ZDHHC11B: variants seen among roughly 807,000 people sequenced by gnomAD.
The protein encoded by ZDHHC11B is zDHHC palmitoyltransferase 11B (putative), also known as probable palmitoyltransferase ZDHHC11B.
A neutral mutation model predicts 42.3 loss-of-function variants in ZDHHC11B; 17 were observed. The ratio of observed to expected loss-of-function variants is 0.40; its 90% CI spans 0.27 to 0.60. The LOEUF is 0.60. ZDHHC11B is among the 20% of genes least tolerant of loss of function. ZDHHC11B has a pLI of 0.41. For synonymous variants in ZDHHC11B, 123 were observed against 193.5 expected (o/e 0.64, Z 3.02); for missense variants, 262 against 463.2 (o/e 0.57, Z 3.99).
intron 13 of ZDHHC11B, among the ~76,000 whole-genome samples, chr5:715,021 T>C (rs1741646526): frequency 6.7e-6 from 1 of 149,930 alleles, no homozygotes; most frequent in South Asian, 2.1e-4. Flanking sequence ...CTTCACCTTC[T>C]GCTGTTAGTG....
intron 10 of ZDHHC11B, among the ~76,000 whole-genome samples, chr5:738,977 C>T (rs1335817866): frequency 6.6e-6 from 1 of 150,798 alleles, no homozygotes; most frequent in Admixed American, 6.6e-5. Context: ...ACCTTCTGCA[C>T]AGGAAAAGAA....
chr5:734,183 A>G (rs1743334176), intron 10 of ZDHHC11B, among the ~76,000 whole-genome samples: 1 of 142,170 alleles, frequency 7.0e-6, no homozygotes, highest in Admixed American at 7.0e-5. Context: ...CAGCTCCCAC[A>G]TGGAGAGACA....
intron 8 of ZDHHC11B, among the ~76,000 whole-genome samples, chr5:746,503 TC>T (rs1482020271): frequency 1.9e-4 from 25 of 132,496 alleles, no homozygotes; most frequent in Admixed American, 6.9e-4. Flanking sequence ...CTTTCATGTT[TC>T]TGCCACACTT....
intron 1 of ZDHHC11B, among the ~76,000 whole-genome samples, chr5:780,207 C>T (rs1736861230): frequency 6.6e-6 from 1 of 151,282 alleles, no homozygotes; most frequent in Non-Finnish European, 1.5e-5. Context: ...TGAAAAGACA[C>T]ACTAGATCCC....
chr5:776,417 G>A (rs532545432), intron 1 of ZDHHC11B, among the ~76,000 whole-genome samples: 3 of 151,830 alleles, frequency 2.0e-5, no homozygotes, highest in Non-Finnish European at 4.4e-5. Context: ...CAACCCCCCA[G>A]TAAATCCGAA....
Position 748,274 on chromosome 5 carries a change from C to T in ZDHHC11B, c.784+130G>A, listed in dbSNP as rs374740985. 5.1e-4 allele frequency: 378 copies of T among 739,642 alleles called. 27 individuals are homozygous for T. The African/African-American group carries it at 5.3e-3, about 10-fold the overall frequency. The allele number at this position is 739,642 out of a possible 1,614,324, so 45.8% of individuals were successfully genotyped here. A position where few individuals can be genotyped will look rare whatever the true frequency, so the allele number is the denominator to read the frequency against. ...GGCTGACCCTGAACACATGCGCACA[C>T]GGGGGACAAAGACTCTGGCCCCAGG... On this transcript the variant is annotated intron_variant, in intron 8 of 13. Coordinates refer to ENST00000508859, the MANE Select transcript of ZDHHC11B (RefSeq NM_001351303.2).
At chr5:750,687 A>C in intron 7 of ZDHHC11B, among the ~76,000 whole-genome samples, 1 of 124,436 alleles carries the variant, frequency 8.0e-6, no homozygotes, top group Non-Finnish European at 1.8e-5. Context: ...CCACTTGGCC[A>C]AGGGCCTCAG....
At chr5:730,507 A>G (rs764218304) in intron 11 of ZDHHC11B, 39 bp from the exon 12 acceptor site, 7 of 1,544,348 alleles carry the variant, frequency 4.5e-6, no homozygotes, top group Non-Finnish European at 6.1e-6. Flanking sequence ...AGGATGAACA[A>G]AGACCTTGTT....
chr5:719,683 C>A lies in ZDHHC11B; in HGVS notation c.1059-2818G>T, dbSNP rs1453107765. 4.0e-5 allele frequency among the ~76,000 whole-genome samples: 6 copies of A among 150,632 alleles called. 1 individual carries two copies. Among genetic ancestry groups the A allele is most frequent in the African/African-American group, 1.5e-4 (6 of 40,802 alleles). The stretch of plus-strand genomic sequence containing the variant: ...CAGAGCTTGAAAGGTTTGTTAGACA[C>A]CATCAAGGGTACCAACATATGCAAC... On this transcript the variant is annotated intron_variant, in intron 12 of 13. Coordinates refer to ENST00000508859, the MANE Select transcript of ZDHHC11B (RefSeq NM_001351303.2).
At chr5:724,555 T>A (rs1039685138) in intron 12 of ZDHHC11B, among the ~76,000 whole-genome samples, 3 of 140,234 alleles carry the variant, frequency 2.1e-5, no homozygotes, top group African/African-American at 8.1e-5. Context: ...CTTTTGTATT[T>A]TTAGTAGAGA....
At chr5:774,485 T>C (rs1736303662) in intron 1 of ZDHHC11B, among the ~76,000 whole-genome samples, 1 of 152,230 alleles carries the variant, frequency 6.6e-6, no homozygotes, top group African/African-American at 2.4e-5. Context: ...GACCTGTCCC[T>C]TGGGCCTGGA....
At chr5:753,982 C>T (rs1298239718) in intron 6 of ZDHHC11B, among the ~76,000 whole-genome samples, 1 of 136,950 alleles carries the variant, frequency 7.3e-6, no homozygotes, top group Non-Finnish European at 1.6e-5. Context: ...GCACACGGGG[C>T]CTTGAGAGTC....
chr5:769,612 C>T (rs1218040138), intron 1 of ZDHHC11B, among the ~76,000 whole-genome samples: 3 of 151,786 alleles, frequency 2.0e-5, no homozygotes, highest in Admixed American at 6.6e-5. Context: ...CGCGAGCCCG[C>T]GAGTGCGTTT....
rs574732815 is a variant in ZDHHC11B at position 766,748 on chromosome 5, T to C, written c.172A>G (p.Arg58Gly). The change falls in exon 4 of 14, where the codon AGG (arginine) becomes GGG (glycine). Residue 58 changes from arginine (R) to glycine (G), a missense_variant. Coordinates refer to ENST00000508859, the MANE Select transcript of ZDHHC11B (RefSeq NM_001351303.2). The part of the protein sequence containing the change: ...VFVGLSLATF[R>G]IFIPLLPHSW... ...TGAGGCAGGAGGGGAATGAAGATCC[T>C]GAAGGTGGCCAAGGAAAGGCCAACG... The C allele has an allele frequency of 0.011, 17,306 of 1,611,040 alleles. 522 individuals are homozygous for C. The highest frequency in any genetic ancestry group is 0.013 in the Non-Finnish European group (15,184 of 1,178,002).
rs748642295 is a variant in ZDHHC11B at position 756,027 on chromosome 5, C to A, written c.340G>T (p.Asp114Tyr). 8 of 1,227,144 alleles carry A rather than the reference C, an allele frequency of 6.5e-6. No homozygotes were observed. In the East Asian group the frequency reaches 2.1e-4, roughly 32 times the overall value. The allele number at this position is 1,227,144 out of a possible 1,614,324, so 76.0% of individuals were successfully genotyped here. A position where few individuals can be genotyped will look rare whatever the true frequency, so the allele number is the denominator to read the frequency against. Reference protein sequence around the residue: ...KNYSQPMPLFDRSKHAHVIQN... With the variant: ...KNYSQPMPLFYRSKHAHVIQN... ...ATCACGTGTGCATGTTTTGATCTGT[C>A]GAAGAGGGGCATGGGCTGAGAATAG... is the stretch of plus-strand genomic sequence containing the variant. The change falls in exon 5 of 14, where the codon GAC (aspartate) becomes TAC (tyrosine). Residue 114 changes from aspartate to tyrosine, a missense_variant. Transcript: ENST00000508859.
In ZDHHC11B at chr5:751,510, G is replaced by A. The variant is rs867776379; in HGVS notation, c.504-253C>T. Among the ~76,000 whole-genome samples, 216 of 56,244 alleles carry A rather than the reference G, an allele frequency of 3.8e-3. 13 individuals carry two copies. The highest frequency in any genetic ancestry group is 0.015 in the Middle Eastern group (2 of 134). The allele number at this position is 56,244 out of a possible 152,430, so 36.9% of individuals were successfully genotyped here. On this transcript the variant is annotated intron_variant, in intron 6 of 13. Coordinates refer to ENST00000508859, the MANE Select transcript of ZDHHC11B (RefSeq NM_001351303.2). ...AGGGCAGGTGGGGGGTGCAGAGGCA[G>A]GGGCAGGGACACGCAGGGCATCTGG...
intron 1 of ZDHHC11B, among the ~76,000 whole-genome samples, chr5:783,836 ACCCCATCAAAACAGCAGCCCCCCAAG>A (rs1737053027): frequency 2.2e-4 from 17 of 78,624 alleles, no homozygotes; most frequent in Admixed American, 4.5e-4. Context: ...AGCCTCCCAA[ACCCCATCAAAACAGCAGCCCCCCAAG>A]CCCCATCAAG....
intron 13 of ZDHHC11B, among the ~76,000 whole-genome samples, 167 bp downstream of exon 13, chr5:716,634 A>G (rs1437370501): frequency 6.6e-6 from 1 of 151,780 alleles, no homozygotes. Context: ...ACTTCTAAAG[A>G]TGGACACACG....
Position 764,157 on chromosome 5 carries a change from C to T in ZDHHC11B, c.222+2541G>A, listed in dbSNP as rs149119042. Among the ~76,000 whole-genome samples, 617 of 151,804 alleles carry T rather than the reference C, an allele frequency of 4.1e-3. 4 individuals are homozygous for T. Among genetic ancestry groups the T allele is most frequent in the South Asian group, 0.016 (79 of 4,804 alleles). ...CGATACACACCACGCTCACCATTTACCAGAGACTTGCCCGGGATGGCCCAG... is the reference window on the plus strand; with the variant it reads ...CGATACACACCACGCTCACCATTTATCAGAGACTTGCCCGGGATGGCCCAG... On this transcript the variant is annotated intron_variant, in intron 4 of 13. Transcript: ENST00000508859.
Sources: gnomAD v4.1 joint callset for allele counts (sites outside exome capture counted in the v4.1 genomes callset) on GRCh38, gnomAD v4.1.1 for gene constraint, MANE v1.5 for transcripts, NCBI Gene and HGNC (gene_info 2026-07-23, HGNC 2026-07-21) for gene names.